The following ATP11B variants were observed in gnomAD, a reference collection of about 807,000 sequenced individuals.
The protein encoded by ATP11B is ATPase phospholipid transporting 11B (putative), also known as phospholipid-transporting ATPase IF.
A neutral mutation model predicts 157.8 loss-of-function variants in ATP11B; 81 were observed. The ratio of observed to expected loss-of-function variants is 0.51; its 90% CI spans 0.43 to 0.62. The LOEUF (loss-of-function observed/expected upper bound fraction) is 0.62. Ranked by LOEUF, ATP11B falls within the 20% of genes least tolerant of loss-of-function variation. The pLI is 0.00. For missense variants in ATP11B, 1,165 were observed against 1,402.2 expected, an observed-to-expected ratio of 0.83 and a Z score of 2.70; for synonymous variants, 451 against 469.4, an observed-to-expected ratio of 0.96 and a Z score of 0.51.
intron 2 of ATP11B, among the ~76,000 whole-genome samples, chr3:182,821,008 C>G (rs999655018): frequency 6.6e-6 from 1 of 152,176 alleles, no homozygotes; most frequent in Non-Finnish European, 1.5e-5. Flanking sequence ...CAGTGTTATA[C>G]TGATTTTAAA....
chr3:182,889,148 A>G (rs943129265), intron 24 of ATP11B, among the ~76,000 whole-genome samples: 2 of 152,234 alleles, frequency 1.3e-5, no homozygotes, highest in Admixed American at 6.5e-5. Context: ...GGCTTAAGCC[A>G]TCGCACCCAG....
At chr3:182,858,922 T>C (rs1456647000) in intron 11 of ATP11B, among the ~76,000 whole-genome samples, 2 of 152,186 alleles carry the variant, frequency 1.3e-5, no homozygotes, top group Non-Finnish European at 2.9e-5. Context: ...ATTAAGTTAC[T>C]TGAATTTAAC....
At chr3:182,873,363 G>A (rs1378164647) in intron 18 of ATP11B, among the ~76,000 whole-genome samples, 1 of 151,842 alleles carries the variant, frequency 6.6e-6, no homozygotes, top group East Asian at 1.9e-4. Context: ...TTGTCCTTAC[G>A]AGATTTCTGA....
chr3:182,818,588 C>G (rs764970187), intron 1 of ATP11B, among the ~76,000 whole-genome samples: 5 of 152,176 alleles, frequency 3.3e-5, no homozygotes, highest in Non-Finnish European at 7.4e-5. Flanking sequence ...CCTGTACTAG[C>G]TGTTTCTGAG....
At chr3:182,859,493 T>C in intron 12 of ATP11B, 134 bp downstream of exon 12, 1 of 610,518 alleles carries the variant, frequency 1.6e-6, no homozygotes, top group Admixed American at 3.8e-5. Flanking sequence ...CTCCTAGCTG[T>C]TCCCAATTTT....
At chr3:182,815,930 G>A (rs921837068) in intron 1 of ATP11B, among the ~76,000 whole-genome samples, 12 of 152,152 alleles carry the variant, frequency 7.9e-5, no homozygotes. Context: ...TTTTATGCCA[G>A]AGACCTCCTG....
At chr3:182,794,681 T>G (rs941500474) in intron 1 of ATP11B, among the ~76,000 whole-genome samples, 3 of 152,190 alleles carry the variant, frequency 2.0e-5, no homozygotes, top group Non-Finnish European at 2.9e-5. Context: ...GAGAAAAATC[T>G]TATCTGCCTC....
intron 25 of ATP11B, among the ~76,000 whole-genome samples, chr3:182,892,247 G>A (rs773587257): frequency 1.3e-5 from 2 of 152,054 alleles, no homozygotes; most frequent in Admixed American, 6.6e-5. Context: ...GCCCACAGAC[G>A]CCTTTCCTGT....
chr3:182,894,550 C>G (rs1254513319), intron 25 of ATP11B, among the ~76,000 whole-genome samples: 1 of 152,174 alleles, frequency 6.6e-6, no homozygotes, highest in African/African-American at 2.4e-5. Flanking sequence ...CCTACCAGCT[C>G]AAGGGCAAGT....
At chr3:182,882,156 G>A (rs1009512273) in intron 21 of ATP11B, among the ~76,000 whole-genome samples, 1 of 152,112 alleles carries the variant, frequency 6.6e-6, no homozygotes, top group Non-Finnish European at 1.5e-5. Flanking sequence ...TGTGCTGGAT[G>A]GGAAGTTATC....
chr3:182,892,828 T>C (rs1379402116), intron 25 of ATP11B, among the ~76,000 whole-genome samples: 2 of 152,212 alleles, frequency 1.3e-5, no homozygotes, highest in African/African-American at 4.8e-5. Context: ...TCTCTAAAAC[T>C]GCTTTTCCAT....
chr3:182,896,844 C>G, intron 26 of ATP11B, 79 bp downstream of exon 26: 1 of 964,602 alleles, frequency 1.0e-6, no homozygotes, highest in Non-Finnish European at 1.6e-6. Flanking sequence ...TTTCTTTAGC[C>G]ATAGATACTT....
chr3:182,916,772 A>C, intron 29 of ATP11B: 13 of 985,246 alleles, frequency 1.3e-5, no homozygotes, highest in Non-Finnish European at 1.6e-5. Context: ...TGTGTAAGCA[A>C]TGTGGAAAGA....
At chr3:182,798,426 T>C (rs1715768975) in intron 1 of ATP11B, among the ~76,000 whole-genome samples, 1 of 152,058 alleles carries the variant, frequency 6.6e-6, no homozygotes, top group Non-Finnish European at 1.5e-5. Flanking sequence ...TGGCCTAGGG[T>C]GGTATTTTTT....
intron 27 of ATP11B, among the ~76,000 whole-genome samples, 171 bp from the exon 28 acceptor site, chr3:182,898,436 A>G (rs1723713979): frequency 1.3e-5 from 2 of 152,158 alleles, no homozygotes; most frequent in African/African-American, 4.8e-5. Context: ...TTTATTTTTA[A>G]CAATTAAAGC....
At chr3:182,849,334 A>G (rs955990152) in intron 10 of ATP11B, among the ~76,000 whole-genome samples, 6 of 152,326 alleles carry the variant, frequency 3.9e-5, no homozygotes, top group African/African-American at 1.4e-4. Context: ...TGAGGAACAT[A>G]AAAGAATACA....
intron 2 of ATP11B, among the ~76,000 whole-genome samples, chr3:182,823,307 G>C (rs1463308813): frequency 6.6e-6 from 1 of 152,120 alleles, no homozygotes; most frequent in African/African-American, 2.4e-5. Context: ...TGTAAGAAAG[G>C]GATCCAGTTT....
At chr3:182,795,182 G>C (rs1410431770) in intron 1 of ATP11B, among the ~76,000 whole-genome samples, 1 of 152,074 alleles carries the variant, frequency 6.6e-6, no homozygotes, top group African/African-American at 2.4e-5. Flanking sequence ...ATACCATCTT[G>C]TAATACTTTG....
intron 1 of ATP11B, among the ~76,000 whole-genome samples, chr3:182,809,193 C>T (rs1447086322): frequency 6.6e-6 from 1 of 151,846 alleles, no homozygotes; most frequent in East Asian, 1.9e-4. Context: ...CAATTAAAGA[C>T]TAAGTTTCCT....
Sources: gnomAD v4.1 joint callset for allele counts (sites outside exome capture counted in the v4.1 genomes callset) on GRCh38, gnomAD v4.1.1 for gene constraint, MANE v1.5 for transcripts, NCBI Gene and HGNC (gene_info 2026-07-23, HGNC 2026-07-21) for gene names.